The following STARD10 variants were observed in gnomAD, a reference collection of about 807,000 sequenced individuals.
The protein encoded by STARD10 is START domain-containing protein 10.
A neutral mutation model predicts 36.0 loss-of-function variants in STARD10; 24 were observed. The ratio of observed to expected loss-of-function variants is 0.67; its 90% CI spans 0.48 to 0.94. The LOEUF (loss-of-function observed/expected upper bound fraction) is 0.94, where lower values mean the gene tolerates loss of function less well. STARD10 is among the 40% of genes least tolerant of loss of function. The pLI, the probability that STARD10 is intolerant of heterozygous loss-of-function variation, is 0.00. For missense variants in STARD10, 335 were observed against 396.6 expected (o/e 0.84, Z 1.32); for synonymous variants, 156 against 161.9 (o/e 0.96, Z 0.28).
intron 2 of STARD10, among the ~76,000 whole-genome samples, chr11:72,779,911 T>A (rs746833457): frequency 9.9e-5 from 15 of 152,020 alleles, no homozygotes; most frequent in Non-Finnish European, 1.9e-4. Context: ...AGGTCAGACA[T>A]CTCAGGTCTT....
At chr11:72,758,868 A>G (rs191898237) in intron 3 of STARD10, among the ~76,000 whole-genome samples, 6 of 152,264 alleles carry the variant, frequency 3.9e-5, no homozygotes, top group African/African-American at 1.4e-4. Flanking sequence ...TAGCCCTTAC[A>G]TTGTTGGCCT....
At chr11:72,759,469 G>A in intron 2 of STARD10, 88 bp from the exon 3 acceptor site, 2 of 1,501,892 alleles carry the variant, frequency 1.3e-6, no homozygotes, top group South Asian at 1.1e-5. Flanking sequence ...AGAGGGGGAG[G>A]AAGAGAAAGA....
At chr11:72,773,728 C>T (rs1051262545) in intron 2 of STARD10, among the ~76,000 whole-genome samples, 8 of 152,202 alleles carry the variant, frequency 5.3e-5, no homozygotes, top group East Asian at 1.9e-4. Context: ...GCTCCACACA[C>T]GAAGGCCCCA....
intron 4 of STARD10, 23 bp from the exon 5 acceptor site, chr11:72,757,907 G>A (rs1332086497): frequency 1.2e-6 from 2 of 1,605,902 alleles, no homozygotes; most frequent in African/African-American, 1.3e-5. Context: ...GGCACAGGGA[G>A]GTGAGACTCG....
chr11:72,779,284 C>G (rs1001814136), intron 2 of STARD10, among the ~76,000 whole-genome samples: 4 of 152,180 alleles, frequency 2.6e-5, no homozygotes, highest in Admixed American at 1.3e-4. Context: ...TTCCTCCCCC[C>G]TCTCTTCCAC....
At chr11:72,763,693 A>G (rs1470465550) in intron 2 of STARD10, among the ~76,000 whole-genome samples, 2 of 152,204 alleles carry the variant, frequency 1.3e-5, no homozygotes, top group African/African-American at 4.8e-5. Context: ...GAGTGAATGA[A>G]TGAAGGAACA....
rs1228368010 is a variant in STARD10 at position 72,780,961 on chromosome 11, G to C, written c.207+14C>G. The C allele has an allele frequency of 6.2e-7, 1 of 1,613,894 alleles. No homozygotes were observed. Among genetic ancestry groups the C allele is most frequent in the Admixed American group, 1.7e-5 (1 of 60,022 alleles). On this transcript the variant is annotated intron_variant, in intron 2 of 6. Coordinates refer to ENST00000334805, the MANE Select transcript of STARD10 (RefSeq NM_006645.3). ...GGGTGCAGTGGAGGCTGCAGGTATA[G>C]CGGGCAACCCTACCTTGATCTTGTG...
chr11:72,786,169 T>C (rs949626692), intron 1 of STARD10, among the ~76,000 whole-genome samples: 1 of 152,068 alleles, frequency 6.6e-6, no homozygotes, highest in Non-Finnish European at 1.5e-5. Flanking sequence ...CTGGGTAACA[T>C]GGTGAAACCC....
At chr11:72,777,210 C>T (rs1165601782) in intron 2 of STARD10, among the ~76,000 whole-genome samples, 1 of 152,386 alleles carries the variant, frequency 6.6e-6, no homozygotes. Flanking sequence ...GCCTCTCATG[C>T]GGCCAGCCTC....
At chr11:72,755,976 A>C (rs584605) in intron 5 of STARD10, 5,001 of 474,764 alleles carry the variant, frequency 0.011, 199 homozygotes, top group African/African-American at 0.09. Context: ...GCCCAGCCTC[A>C]AAGATTACGT....
chr11:72,780,686 G>T (rs1858981156), intron 2 of STARD10: 2 of 487,172 alleles, frequency 4.1e-6, no homozygotes, highest in Non-Finnish European at 7.6e-6. Flanking sequence ...CACTCTCCTA[G>T]AAGGGCCTGG....
At chr11:72,769,062 T>C (rs560964103) in intron 2 of STARD10, among the ~76,000 whole-genome samples, 120 of 152,232 alleles carry the variant, frequency 7.9e-4, no homozygotes, top group Non-Finnish European at 1.4e-3. Context: ...TATTACTACT[T>C]CCGCCATCAT....
chr11:72,783,005 C>T (rs1859024705), intron 1 of STARD10, among the ~76,000 whole-genome samples: 1 of 152,144 alleles, frequency 6.6e-6, no homozygotes, highest in African/African-American at 2.4e-5. Flanking sequence ...TTTCCATTTC[C>T]AGAAAAGGGA....
intron 3 of STARD10, 34 bp downstream of exon 3, chr11:72,759,200 A>G (rs1219311193): frequency 3.7e-6 from 6 of 1,610,908 alleles, no homozygotes; most frequent in Admixed American, 1.7e-5. Flanking sequence ...ATGGAGGCCA[A>G]GGGGACTGGG....
chr11:72,784,405 A>T (rs1859045825), intron 1 of STARD10, among the ~76,000 whole-genome samples: 1 of 152,170 alleles, frequency 6.6e-6, no homozygotes, highest in Non-Finnish European at 1.5e-5. Flanking sequence ...CATCTGGAAT[A>T]ATAATACCTA....
At chr11:72,756,123 T>C (rs1462638435) in intron 5 of STARD10, among the ~76,000 whole-genome samples, 1 of 151,962 alleles carries the variant, frequency 6.6e-6, no homozygotes, top group Non-Finnish European at 1.5e-5. Context: ...GGAATGCCCC[T>C]GACGCTCAGC....
At chr11:72,778,300 G>C (rs566487519) in intron 2 of STARD10, among the ~76,000 whole-genome samples, 7 of 152,320 alleles carry the variant, frequency 4.6e-5, no homozygotes, top group Admixed American at 3.3e-4. Context: ...CTCAGCCTCA[G>C]TTTCTTTGTT....
chr11:72,792,483 A>C (rs59386840), intron 1 of STARD10, among the ~76,000 whole-genome samples: 2 of 150,318 alleles, frequency 1.3e-5, no homozygotes, highest in Non-Finnish European at 3.0e-5. Flanking sequence ...ACCTACCCCC[A>C]AAACCTCTAA....
intron 1 of STARD10, chr11:72,790,359 G>A (rs1172749661): frequency 7.2e-5 from 8 of 111,014 alleles, no homozygotes; most frequent in Non-Finnish European, 1.6e-4. Flanking sequence ...CTCTCAGTGA[G>A]TTCTGGCCTC....
Sources: gnomAD v4.1 joint callset for allele counts (sites outside exome capture counted in the v4.1 genomes callset) on GRCh38, gnomAD v4.1.1 for gene constraint, MANE v1.5 for transcripts, NCBI Gene and HGNC (gene_info 2026-07-23, HGNC 2026-07-21) for gene names.